The following CCSER1 variants were observed in gnomAD, a reference collection of about 807,000 sequenced individuals.
CCSER1 encodes coiled-coil serine rich protein 1.
Under a neutral mutation model 82.0 loss-of-function variants are expected in CCSER1, and 41 were observed. The observed-to-expected ratio is 0.50, with a 90% confidence interval of 0.39 to 0.65. The LOEUF is 0.65. Among genes scored for constraint, CCSER1 ranks in the 30% least tolerant of loss-of-function variants. The pLI, the probability that CCSER1 is intolerant of heterozygous loss-of-function variation, is 0.00. For synonymous variants in CCSER1, 414 were observed against 383.9 expected (o/e 1.08, Z -0.92); for missense variants, 1,119 against 1,064.2 (o/e 1.05, Z -0.72).
chr4:90,600,362 A>G (rs1783887382), intron 5 of CCSER1, among the ~76,000 whole-genome samples: 1 of 151,982 alleles, frequency 6.6e-6, no homozygotes, highest in Admixed American at 6.6e-5. Context: ...CAGACTTTTT[A>G]GTTTTAGCCT....
intron 9 of CCSER1, among the ~76,000 whole-genome samples, chr4:90,971,239 A>G (rs1293307735): frequency 6.6e-6 from 1 of 151,962 alleles, no homozygotes; most frequent in Non-Finnish European, 1.5e-5. Context: ...GGGAGGCCTC[A>G]GGAAACTTAG....
At chr4:90,200,542 CT>C (rs1187359602) in intron 1 of CCSER1, among the ~76,000 whole-genome samples, 9 of 151,968 alleles carry the variant, frequency 5.9e-5, no homozygotes, top group African/African-American at 2.2e-4. Flanking sequence ...CATTCTAGAG[CT>C]TTCAGCACTT....
intron 9 of CCSER1, among the ~76,000 whole-genome samples, chr4:90,933,430 G>A (rs536315023): frequency 1.3e-5 from 2 of 151,220 alleles, no homozygotes; most frequent in African/African-American, 4.9e-5. Flanking sequence ...CTCATGATCC[G>A]CCCACCTCGG....
At chr4:90,631,219 A>G (rs1300755293) in intron 6 of CCSER1, among the ~76,000 whole-genome samples, 4 of 152,126 alleles carry the variant, frequency 2.6e-5, no homozygotes, top group Non-Finnish European at 5.9e-5. Context: ...TTTTAATGGC[A>G]GGAGGTACCT....
At chr4:90,745,947 G>A (rs934552191) in intron 7 of CCSER1, among the ~76,000 whole-genome samples, 3 of 151,694 alleles carry the variant, frequency 2.0e-5, no homozygotes, top group East Asian at 3.9e-4. Context: ...TGATCTGCCC[G>A]CCTCGGCCTC....
intron 5 of CCSER1, among the ~76,000 whole-genome samples, chr4:90,480,305 A>G (rs1455961725): frequency 2.6e-5 from 4 of 152,010 alleles, no homozygotes; most frequent in African/African-American, 9.7e-5. Flanking sequence ...AGGTTGCAAA[A>G]ATTTTCTCCC....
chr4:90,408,825 A>G (rs1754183201), intron 4 of CCSER1, among the ~76,000 whole-genome samples: 1 of 152,204 alleles, frequency 6.6e-6, no homozygotes, highest in Non-Finnish European at 1.5e-5. Context: ...CAGAAGATCA[A>G]ACTACTCCAA....
In CCSER1 at chr4:91,604,710, T is replaced by G. The variant is rs1456000226; in HGVS notation, c.*5653T>G. On this transcript the variant is annotated 3_prime_UTR_variant, in exon 11 of 11. Transcript: ENST00000509176. ...AAAAAACAAGATATTTACAAAAATA[T>G]TTTAGATATTCCTGTCTAGGAACTA... is the stretch of plus-strand genomic sequence containing the variant. The G allele has an allele frequency of 2.0e-5, 3 of 152,022 alleles. No individual in the cohort carries two copies. The highest frequency in any genetic ancestry group is 1.3e-4 in the Admixed American group (2 of 15,238). The allele number at this position is 152,022 out of a possible 1,614,324, so 9.4% of individuals were successfully genotyped here.
rs78622480 is a variant in CCSER1, at chr4:91,282,684, T to A, written c.2217+196690T>A. ...GCAATCGTGCAAATATTTGACAAGA[T>A]AAGCTCCCTCTTTAGTATGTCTTTA... On this transcript the variant is annotated intron_variant, in intron 10 of 10. Transcript: ENST00000509176. 4.3e-3 allele frequency among the ~76,000 whole-genome samples: 658 copies of A among 152,292 alleles called. 1 individual carries two copies. Among genetic ancestry groups the A allele is most frequent in the African/African-American group, 5.2e-3 (218 of 41,580 alleles).
chr4:90,134,691 C>T (rs1723363322), intron 1 of CCSER1, among the ~76,000 whole-genome samples: 1 of 152,156 alleles, frequency 6.6e-6, no homozygotes, highest in African/African-American at 2.4e-5. Flanking sequence ...TGAGCTTATG[C>T]ACAAGTTATG....
At chr4:90,618,614 C>G (rs1004068686) in intron 5 of CCSER1, among the ~76,000 whole-genome samples, 1 of 151,786 alleles carries the variant, frequency 6.6e-6, no homozygotes, top group African/African-American at 2.4e-5. Flanking sequence ...AAATTTATTA[C>G]ATGATATGGA....
intron 10 of CCSER1, among the ~76,000 whole-genome samples, chr4:91,213,159 T>A (rs1379124365): frequency 1.3e-5 from 2 of 152,324 alleles, no homozygotes; most frequent in East Asian, 3.9e-4. Context: ...CCTTGGTTGA[T>A]TCCATGTCTT....
At chr4:90,822,503 C>T (rs932807882) in intron 8 of CCSER1, among the ~76,000 whole-genome samples, 6 of 152,002 alleles carry the variant, frequency 3.9e-5, no homozygotes, top group Non-Finnish European at 7.4e-5. Context: ...CCAAGGCGGG[C>T]GAATCACGAG....
In CCSER1 at chr4:90,308,865, C is replaced by A. The variant is rs751405145; in HGVS notation, c.581C>A (p.Pro194Gln). Residue 194 changes from proline (P) to glutamine (Q), a missense_variant, in exon 2 of 11, where the codon CCA (proline) becomes CAA (glutamine). Physicochemically the swap from Pro to Gln is moderately conservative, Grantham distance 76. Coordinates refer to ENST00000509176, the MANE Select transcript of CCSER1 (RefSeq NM_001145065.2). ...SFSSHYKFSK[P>Q]VLQSQSISLV... ...TCATCTCACTATAAATTTTCTAAGC[C>A]AGTTCTACAGAGCCAATCCATTTCA... is the stretch of plus-strand genomic sequence containing the variant. The A allele has an allele frequency of 7.4e-6, 12 of 1,613,814 alleles. No individual in the cohort carries two copies. The East Asian group carries it at 2.2e-4, about 30-fold the overall frequency.
At chr4:91,163,297 A>G (rs1232369474) in intron 10 of CCSER1, among the ~76,000 whole-genome samples, 1 of 152,230 alleles carries the variant, frequency 6.6e-6, no homozygotes, top group Non-Finnish European at 1.5e-5. Flanking sequence ...TCTTAGAGAC[A>G]GTTTGTTGTG....
intron 5 of CCSER1, among the ~76,000 whole-genome samples, chr4:90,596,446 T>G (rs1783355890): frequency 6.6e-6 from 1 of 151,884 alleles, no homozygotes; most frequent in Non-Finnish European, 1.5e-5. Context: ...ATGATATAAT[T>G]TTTTAAATTT....
intron 4 of CCSER1, among the ~76,000 whole-genome samples, chr4:90,404,776 T>A (rs1429997360): frequency 6.6e-6 from 1 of 152,064 alleles, no homozygotes. Context: ...ATCACTGCAG[T>A]TCGGCTCTCA....
chr4:91,172,808 CATA>C (rs1351101746), intron 10 of CCSER1, among the ~76,000 whole-genome samples: 1 of 142,698 alleles, frequency 7.0e-6, no homozygotes, highest in Non-Finnish European at 1.5e-5. Context: ...TGCAATCTAA[CATA>C]ATAAATAAAC....
At chr4:90,885,895 C>T (rs1413006537) in intron 8 of CCSER1, among the ~76,000 whole-genome samples, 2 of 152,104 alleles carry the variant, frequency 1.3e-5, no homozygotes, top group Non-Finnish European at 2.9e-5. Flanking sequence ...TGTTCTCTTC[C>T]TGATCCTTTT....
Sources: allele counts gnomAD v4.1 joint callset (sites outside exome capture counted in the v4.1 genomes callset), GRCh38; gene constraint gnomAD v4.1.1; transcripts MANE v1.5; gene names NCBI Gene and HGNC (gene_info 2026-07-23, HGNC 2026-07-21).